The following KIAA1671 variants were observed in gnomAD, a reference collection of about 807,000 sequenced individuals.
KIAA1671 encodes uncharacterized protein KIAA1671.
Under a neutral mutation model 131.2 loss-of-function variants are expected in KIAA1671, and 52 were observed. The ratio of observed to expected loss-of-function variants is 0.40; its 90% CI spans 0.32 to 0.50. The LOEUF is 0.50. KIAA1671 is among the 20% of genes least tolerant of loss of function. The probability of loss-of-function intolerance (pLI) is 0.73; values close to 1 mark genes in which losing one functional copy is unlikely to be tolerated. For missense variants in KIAA1671, 2,360 were observed against 2,364.2 expected (o/e 1.00, Z 0.04); for synonymous variants, 1,003 against 961.6 (o/e 1.04, Z -0.80).
At chr22:25,164,095 TGGCAAGCCAGTCCA>T (rs1465201352) in intron 6 of KIAA1671, among the ~76,000 whole-genome samples, 1 of 152,168 alleles carries the variant, frequency 6.6e-6, no homozygotes, top group Non-Finnish European at 1.5e-5. Context: ...CTTTGGGGCT[TGGCAAGCCAGTCCA>T]GGCAAGTGGT....
rs146156616 is a variant in KIAA1671 at position 25,067,788 on chromosome 22, A to G, written c.4530+18424A>G. On this transcript the variant is annotated intron_variant, in intron 6 of 12. Coordinates refer to ENST00000358431, the MANE Select transcript of KIAA1671 (RefSeq NM_001145206.2). Reference sequence around the variant, plus strand: ...CTCCATGCTGACTGTGGCCCCTGTCAGCCAAGGGGTGTCAGAAAGGCCCTG... The same window carrying G: ...CTCCATGCTGACTGTGGCCCCTGTCGGCCAAGGGGTGTCAGAAAGGCCCTG... Among the ~76,000 whole-genome samples the G allele has an allele frequency of 3.7e-3, 559 of 152,292 alleles. 3 individuals carry two copies. The highest frequency in any genetic ancestry group is 0.012 in the African/African-American group (500 of 41,558).
chr22:25,077,073 A>G (rs1929149179), intron 6 of KIAA1671, among the ~76,000 whole-genome samples: 1 of 152,190 alleles, frequency 6.6e-6, no homozygotes, highest in East Asian at 1.9e-4. Context: ...ACTGAGGCCC[A>G]TGGTGTTGAA....
At chr22:24,999,296 G>A (rs532647705) in intron 1 of KIAA1671, among the ~76,000 whole-genome samples, 5 of 152,260 alleles carry the variant, frequency 3.3e-5, no homozygotes, top group Middle Eastern at 3.4e-3. Context: ...GTGCACTGGC[G>A]CAATCATGGT....
chr22:24,967,020 A>G (rs555087699), intron 1 of KIAA1671, among the ~76,000 whole-genome samples: 1 of 152,314 alleles, frequency 6.6e-6, no homozygotes, highest in Non-Finnish European at 1.5e-5. Flanking sequence ...GTTTTAGTCC[A>G]GCTTCTGTGC....
rs1602103637 is a variant in KIAA1671 at position 25,056,405 on chromosome 22, C to T, written c.4530+7041C>T. The T allele has an allele frequency of 1.3e-5, 2 of 149,378 alleles. 1 individual carries two copies. The highest frequency in any genetic ancestry group is 4.0e-4 in the East Asian group (2 of 5,048). 9.3% of individuals were successfully genotyped at this position (149,378 alleles called of 1,614,324 possible). On this transcript the variant is annotated intron_variant, in intron 6 of 12. Transcript: ENST00000358431. ...GAGCTCATATCCTAAGCCAGATGGC[C>T]TGGGTTTAAATCCCAACTCTGCTAC...
At chr22:25,047,404 G>A in intron 5 of KIAA1671, among the ~76,000 whole-genome samples, 1 of 151,410 alleles carries the variant, frequency 6.6e-6, no homozygotes, top group Non-Finnish European at 1.5e-5. Context: ...ACCTGCCTTG[G>A]CCTCCCAAAG....
intron 6 of KIAA1671, among the ~76,000 whole-genome samples, chr22:25,111,561 C>G (rs570278824): frequency 1.3e-5 from 2 of 152,354 alleles, no homozygotes; most frequent in Non-Finnish European, 1.5e-5. Flanking sequence ...AGCTAGCCGC[C>G]TGCCGGCCGA....
At chr22:25,112,506 G>C (rs575748658) in intron 6 of KIAA1671, 3 of 398,126 alleles carry the variant, frequency 7.5e-6, no homozygotes, top group African/African-American at 2.1e-5. Flanking sequence ...AACACTGAAA[G>C]CTCCTCCCCT....
At chr22:25,069,006 G>A (rs751784906) in intron 6 of KIAA1671, among the ~76,000 whole-genome samples, 3 of 143,106 alleles carry the variant, frequency 2.1e-5, no homozygotes, top group Admixed American at 2.0e-4. Context: ...CTCACTTGCC[G>A]GAGTCTCTGG....
chr22:25,195,311 T>C lies in KIAA1671; in HGVS notation c.*2910T>C, dbSNP rs916442. On this transcript the variant is annotated 3_prime_UTR_variant, in exon 13 of 13. Transcript: ENST00000358431. ...GTCCTTTGCCTAATCAAACAGAGGC[T>C]TTTGGCCTTTGAAAATCCATGACAA... 0.79 allele frequency: 120,811 copies of C among 152,160 alleles called. 48,924 individuals carry two copies. Among genetic ancestry groups the C allele is most frequent in the African/African-American group, 0.95 (39,421 of 41,556 alleles). 9.4% of individuals were successfully genotyped at this position (152,160 alleles called of 1,614,324 possible).
intron 6 of KIAA1671, among the ~76,000 whole-genome samples, chr22:25,149,739 C>G (rs1240308520): frequency 6.6e-6 from 1 of 152,068 alleles, no homozygotes; most frequent in Non-Finnish European, 1.5e-5. Flanking sequence ...CTTGCCCTCT[C>G]CAGCCCATCC....
chr22:25,170,849 G>T lies in KIAA1671; in HGVS notation c.4560G>T (p.Gln1520His). 1 of 1,551,728 alleles carries T rather than the reference G, an allele frequency of 6.4e-7. No individual in the cohort carries two copies. ...AGCTGAAGCAGTGTTTCTCCCGGCAGCCCACTGAACCCAAGGACACTGACA... is the reference window on the plus strand; with the variant it reads ...AGCTGAAGCAGTGTTTCTCCCGGCATCCCACTGAACCCAAGGACACTGACA... ...VDQLKQCFSR[Q>H]PTEPKDTDTL... The change falls in exon 7 of 13, where the codon CAG (glutamine) becomes CAT (histidine). Residue 1520 changes from glutamine to histidine, a missense_variant. Physicochemically the swap from Gln to His is conservative, Grantham distance 24. Around this residue, in one of 3 missense-constraint regions of KIAA1671, gnomAD observed 1,161 missense variants for 1,204.7 expected, o/e 0.96. Transcript: ENST00000358431.
chr22:25,000,184 GTTTTTTTTTTTTTTTT>G (rs1184771280), intron 1 of KIAA1671, among the ~76,000 whole-genome samples: 1 of 62,158 alleles, frequency 1.6e-5, no homozygotes, highest in Admixed American at 1.7e-4. Flanking sequence ...CTCCTCGCCT[GTTTTTTTTTTTTTTTT>G]TTTTTTTTTT....
chr22:25,102,083 C>T (rs555469652), intron 6 of KIAA1671, among the ~76,000 whole-genome samples: 1 of 152,144 alleles, frequency 6.6e-6, no homozygotes, highest in Non-Finnish European at 1.5e-5. Context: ...ACAGCATATG[C>T]AAAAGGCTGA....
chr22:25,178,172 G>A (rs112330262), intron 9 of KIAA1671, among the ~76,000 whole-genome samples: 1 of 152,086 alleles, frequency 6.6e-6, no homozygotes, highest in African/African-American at 2.4e-5. Flanking sequence ...CCCCACCGCC[G>A]TCCTCCAGCT....
chr22:25,035,990 G>C (rs1926571476), intron 4 of KIAA1671, among the ~76,000 whole-genome samples: 1 of 152,196 alleles, frequency 6.6e-6, no homozygotes, highest in South Asian at 2.1e-4. Flanking sequence ...AAGATTGCTT[G>C]AGGCCAGGAG....
Position 25,028,395 on chromosome 22 carries a change from C to T in KIAA1671, c.396C>T (p.Asn132=). The change falls in exon 3 of 13, where the codon AAC becomes AAT. Residue 132 remains asparagine (N), a synonymous_variant. Transcript: ENST00000358431. ...EGPRTSSPLF[N]KAVFLRPSSS... ...CGAGGACGAGCTCGCCCCTCTTCAA[C>T]AAGGCTGTGTTCCTGCGGCCCAGCT... The T allele has an allele frequency of 4.5e-6, 7 of 1,551,010 alleles. No homozygotes were observed. Among genetic ancestry groups the T allele is most frequent in the Non-Finnish European group, 6.1e-6 (7 of 1,146,836 alleles).
chr22:25,151,691 C>T (rs1472911106), intron 6 of KIAA1671, among the ~76,000 whole-genome samples: 2 of 152,010 alleles, frequency 1.3e-5, no homozygotes, highest in Non-Finnish European at 1.5e-5. Context: ...TTGGCCTCCC[C>T]GGCCTCCCAA....
Position 25,039,440 on chromosome 22 carries a change from C to T in KIAA1671, c.2310C>T (p.Asp770=). 1.9e-6 allele frequency: 3 copies of T among 1,551,804 alleles called. No homozygotes were observed. The highest frequency in any genetic ancestry group is 2.4e-5 in the South Asian group (2 of 84,066). The change falls in exon 5 of 13, where the codon GAC becomes GAT. Residue 770 remains aspartate, a synonymous_variant. Coordinates refer to ENST00000358431, the MANE Select transcript of KIAA1671 (RefSeq NM_001145206.2). ...RSLRSWLSLK[D]RQLSQEVTPA... ...TCAGGTCTTGGCTCTCACTGAAGGA[C>T]AGGCAGCTGTCCCAGGAGGTCACCC...
Sources: allele counts gnomAD v4.1 joint callset (sites outside exome capture counted in the v4.1 genomes callset), GRCh38; gene constraint gnomAD v4.1.1; regional missense constraint gnomAD v4.1.1; transcripts MANE v1.5; gene names NCBI Gene and HGNC (gene_info 2026-07-23, HGNC 2026-07-21).